PPFIA2: variants seen among roughly 807,000 people sequenced by gnomAD.
The protein encoded by PPFIA2 is liprin-alpha-2.
Under a neutral mutation model 175.5 loss-of-function variants are expected in PPFIA2, and 46 were observed. That is an observed-to-expected ratio of 0.26 (90% CI 0.21 to 0.34). The LOEUF is 0.34. PPFIA2 is among the 10% of genes least tolerant of loss of function. The probability of loss-of-function intolerance (pLI) is 1.00; values close to 1 mark genes in which losing one functional copy is unlikely to be tolerated. For missense variants in PPFIA2, 1,179 were observed against 1,506.1 expected (o/e 0.78, Z 3.60); for synonymous variants, 568 against 511.4 (o/e 1.11, Z -1.49).
intron 7 of PPFIA2, among the ~76,000 whole-genome samples, chr12:81,426,472 G>A (rs751405465): frequency 4.6e-5 from 7 of 152,282 alleles, no homozygotes; most frequent in Non-Finnish European, 8.8e-5. Context: ...TATCAGAAGT[G>A]AGGGAGGTCC....
At chr12:81,402,344 T>TA (rs147467367) in intron 8 of PPFIA2, among the ~76,000 whole-genome samples, 343 of 148,528 alleles carry the variant, frequency 2.3e-3, no homozygotes, top group East Asian at 7.0e-3. Flanking sequence ...AAGTTCTCAA[T>TA]AAAAAAAAAA....
Position 81,325,831 on chromosome 12 carries a change from A to G in PPFIA2, c.2588T>C (p.Leu863Pro), listed in dbSNP as rs563884144. 9.9e-6 allele frequency: 16 copies of G among 1,612,708 alleles called. No homozygotes were observed. In the Admixed American group the frequency reaches 2.5e-4, roughly 25 times the overall value. The stretch of plus-strand genomic sequence containing the variant: ...TTGAGTTCCGAGTTTGCCTAACCCC[A>G]GGGACTCCTGAGCTGCAGCTTCAGT... ...METEAAAQESLGLGKLGTQAE... is the reference protein window; with the variant it reads ...METEAAAQESPGLGKLGTQAE... The change falls in exon 22 of 33, where the codon CTG (leucine) becomes CCG (proline). Residue 863 changes from leucine to proline, a missense_variant. By Grantham distance (98) the Leu-to-Pro change is moderately conservative. Around this residue, in one of 10 missense-constraint regions of PPFIA2, gnomAD observed 223 missense variants for 241.6 expected, o/e 0.92. Transcript: ENST00000549396.
intron 4 of PPFIA2, among the ~76,000 whole-genome samples, chr12:81,639,643 G>C (rs951209242): frequency 1.3e-5 from 2 of 148,866 alleles, no homozygotes; most frequent in Admixed American, 6.8e-5. Context: ...AATAAAGAAA[G>C]CTGAGATATA....
chr12:81,544,947 C>T (rs1430261870), intron 4 of PPFIA2, among the ~76,000 whole-genome samples: 2 of 152,130 alleles, frequency 1.3e-5, no homozygotes, highest in Non-Finnish European at 2.9e-5. Flanking sequence ...AATAATATAA[C>T]ACCAAATAGA....
At chr12:81,480,052 C>T (rs910841925) in intron 4 of PPFIA2, among the ~76,000 whole-genome samples, 4 of 152,126 alleles carry the variant, frequency 2.6e-5, no homozygotes, top group Non-Finnish European at 5.9e-5. Context: ...ACCAATCAAA[C>T]GTAGGTTTGG....
rs535606320 is a variant in PPFIA2 at position 81,288,011 on chromosome 12, AT to A, written c.2926-3709del. ...AGCTAGAAAATGCAAACCAATAGTC[AT>A]TTTTTTGTGGCTAATATCATCTGAG... On this transcript the variant is annotated intron_variant, in intron 24 of 32. Transcript: ENST00000549396. 6.6e-5 allele frequency among the ~76,000 whole-genome samples: 10 copies of A among 151,800 alleles called. No homozygotes were observed. The South Asian group carries it at 1.7e-3, about 25-fold the overall frequency.
At chr12:81,758,299 G>C (rs779261013) in intron 2 of PPFIA2, 101 bp downstream of exon 2, 1 of 441,120 alleles carries the variant, frequency 2.3e-6, no homozygotes, top group African/African-American at 2.0e-5. Context: ...TCAACAAGGA[G>C]GAATTTGCAT....
intron 22 of PPFIA2, among the ~76,000 whole-genome samples, chr12:81,317,375 T>TA (rs1229700849): frequency 6.6e-6 from 1 of 151,506 alleles, no homozygotes; most frequent in East Asian, 1.9e-4. Context: ...TTTAGGCAGC[T>TA]AAAAAATAAG....
At position 81,347,609 on chromosome 12, in the gene PPFIA2, G is replaced by C. The variant is rs372879855; in HGVS notation, c.2156C>G (p.Pro719Arg). The C allele has an allele frequency of 3.5e-5, 56 of 1,613,638 alleles. No homozygotes were observed. Among genetic ancestry groups the C allele is most frequent in the East Asian group, 6.7e-5 (3 of 44,868 alleles). Residue 719 changes from proline to arginine, a missense_variant, in exon 18 of 33, where the codon CCC becomes CGC. Pro to Arg is a moderately radical substitution (Grantham distance 103). Transcript: ENST00000549396. ...GAGCTTTGGAGTTGAGTGTCCACTG[G>C]GGGGAGATGAACTGGCCAGCGATGA... The part of the protein sequence containing the change: ...TASSLASSSP[P>R]SGHSTPKLTP...
chr12:81,524,142 G>A (rs763737215), intron 4 of PPFIA2, among the ~76,000 whole-genome samples: 1 of 152,210 alleles, frequency 6.6e-6, no homozygotes, highest in Non-Finnish European at 1.5e-5. Context: ...GAACTGCCAT[G>A]AGGGTGGGGT....
chr12:81,715,287 A>G (rs763414699), intron 3 of PPFIA2, among the ~76,000 whole-genome samples: 5 of 151,818 alleles, frequency 3.3e-5, no homozygotes, highest in Non-Finnish European at 5.9e-5. Context: ...TTTCCCATTT[A>G]TTAATCTTAA....
intron 4 of PPFIA2, among the ~76,000 whole-genome samples, chr12:81,582,356 A>C (rs1595237360): frequency 6.6e-6 from 1 of 151,844 alleles, no homozygotes; most frequent in Non-Finnish European, 1.5e-5. Flanking sequence ...TTTTTCACTT[A>C]GTAAATTATA....
intron 7 of PPFIA2, among the ~76,000 whole-genome samples, chr12:81,425,830 C>A (rs143551314): frequency 6.6e-6 from 1 of 152,068 alleles, no homozygotes; most frequent in Non-Finnish European, 1.5e-5. Flanking sequence ...ATGAAAAATA[C>A]CATTTTGGCT....
chr12:81,454,924 C>T (rs2053309757), intron 5 of PPFIA2, among the ~76,000 whole-genome samples: 2 of 152,186 alleles, frequency 1.3e-5, no homozygotes, highest in African/African-American at 4.8e-5. Flanking sequence ...TCTCTGCTCA[C>T]TGCAATCTCA....
chr12:81,463,647 C>T (rs936913496), intron 4 of PPFIA2, among the ~76,000 whole-genome samples: 3 of 152,042 alleles, frequency 2.0e-5, no homozygotes, highest in Admixed American at 2.0e-4. Context: ...TGAGCACTCA[C>T]TATGTAGTGG....
At chr12:81,621,793 A>G (rs1008552456) in intron 4 of PPFIA2, among the ~76,000 whole-genome samples, 1 of 152,220 alleles carries the variant, frequency 6.6e-6, no homozygotes, top group African/African-American at 2.4e-5. Flanking sequence ...CCAGAACTCA[A>G]TTGTCAACAT....
At chr12:81,481,030 A>G (rs2058149437) in intron 4 of PPFIA2, among the ~76,000 whole-genome samples, 1 of 152,254 alleles carries the variant, frequency 6.6e-6, no homozygotes, top group Non-Finnish European at 1.5e-5. Flanking sequence ...GCTGATAAGC[A>G]GCTTCAACAA....
chr12:81,636,496 A>G (rs923483231), intron 4 of PPFIA2, among the ~76,000 whole-genome samples: 4 of 150,264 alleles, frequency 2.7e-5, no homozygotes, highest in Admixed American at 2.7e-4. Flanking sequence ...CGATCTCCTG[A>G]CCTCGTGATC....
intron 22 of PPFIA2, among the ~76,000 whole-genome samples, chr12:81,317,072 C>T (rs2052539202): frequency 6.6e-6 from 1 of 151,436 alleles, no homozygotes; most frequent in Non-Finnish European, 1.5e-5. Flanking sequence ...TTGCCTAGCA[C>T]ATTACAACTA....
Sources: allele counts gnomAD v4.1 joint callset (sites outside exome capture counted in the v4.1 genomes callset), GRCh38; gene constraint gnomAD v4.1.1; regional missense constraint gnomAD v4.1.1; transcripts MANE v1.5; gene names NCBI Gene and HGNC (gene_info 2026-07-23, HGNC 2026-07-21).